PSD3: variants seen among roughly 807,000 people sequenced by gnomAD.
PSD3 encodes pleckstrin and Sec7 domain containing 3.
PSD3 carries 49 observed loss-of-function variants against 105.5 expected under a neutral mutation model. The ratio of observed to expected loss-of-function variants is 0.46; its 90% CI spans 0.37 to 0.59. The LOEUF (loss-of-function observed/expected upper bound fraction) is 0.59. PSD3 is among the 20% of genes least tolerant of loss of function. The pLI is 0.00. For synonymous variants in PSD3, 557 were observed against 457.8 expected (o/e 1.22, Z -2.77); for missense variants, 1,561 against 1,263.8 (o/e 1.24, Z -3.57).
At chr8:18,656,979 C>T (rs576084578) in intron 9 of PSD3, among the ~76,000 whole-genome samples, 11 of 152,276 alleles carry the variant, frequency 7.2e-5, no homozygotes, top group East Asian at 1.9e-4. Flanking sequence ...AACAAAAGAA[C>T]GGTATGCATA....
chr8:18,865,424 G>A (rs890658165), intron 4 of PSD3, among the ~76,000 whole-genome samples: 3 of 150,754 alleles, frequency 2.0e-5, no homozygotes, highest in East Asian at 1.9e-4. Flanking sequence ...AGGTAGAAGG[G>A]AGTAAAGAAA....
chr8:18,610,726 A>C (rs988166767), intron 11 of PSD3, among the ~76,000 whole-genome samples: 2 of 152,220 alleles, frequency 1.3e-5, no homozygotes, highest in African/African-American at 2.4e-5. Flanking sequence ...AATTGGAAGA[A>C]TATTCTATTC....
chr8:18,983,585 A>G (rs138229318), intron 1 of PSD3, among the ~76,000 whole-genome samples: 395 of 152,324 alleles, frequency 2.6e-3, no homozygotes, highest in African/African-American at 9.2e-3. Flanking sequence ...GTTGTGTCTC[A>G]GGGAATAGCG....
intron 8 of PSD3, among the ~76,000 whole-genome samples, chr8:18,790,952 C>T (rs1809663855): frequency 6.6e-6 from 1 of 152,158 alleles, no homozygotes; most frequent in South Asian, 2.1e-4. Flanking sequence ...ACAGCCAAAT[C>T]ATGAATGAAC....
chr8:18,594,167 C>T (rs190414065), intron 12 of PSD3, among the ~76,000 whole-genome samples: 266 of 23,654 alleles, frequency 0.011, 32 homozygotes, highest in East Asian at 0.084. Flanking sequence ...TTATTATATA[C>T]ATATTATATA....
chr8:18,902,579 G>A (rs1819574964), intron 2 of PSD3, among the ~76,000 whole-genome samples: 1 of 152,142 alleles, frequency 6.6e-6, no homozygotes, highest in Non-Finnish European at 1.5e-5. Context: ...GTCTCCCTGT[G>A]TTGATGTCTG....
intron 9 of PSD3, among the ~76,000 whole-genome samples, chr8:18,659,690 T>C (rs1013952073): frequency 6.6e-6 from 1 of 152,202 alleles, no homozygotes; most frequent in Admixed American, 6.5e-5. Context: ...AGATGAGCTT[T>C]AAAGAGCCAC....
At chr8:18,607,764 T>A (rs976422232) in intron 11 of PSD3, among the ~76,000 whole-genome samples, 2 of 149,906 alleles carry the variant, frequency 1.3e-5, no homozygotes, top group Non-Finnish European at 3.0e-5. Flanking sequence ...GATGTACCTA[T>A]GACTGGGTAA....
At chr8:18,790,023 T>C (rs149266275) in intron 8 of PSD3, among the ~76,000 whole-genome samples, 55 of 152,134 alleles carry the variant, frequency 3.6e-4, no homozygotes, top group African/African-American at 1.3e-3. Context: ...TTTCCATATA[T>C]AAACCTGTTC....
intron 12 of PSD3, among the ~76,000 whole-genome samples, chr8:18,587,817 A>G (rs1303686178): frequency 6.6e-6 from 1 of 152,202 alleles, no homozygotes; most frequent in Non-Finnish European, 1.5e-5. Flanking sequence ...AATTTTGCAC[A>G]GTACCTGATG....
At chr8:18,761,523 C>A (rs970840238) in intron 9 of PSD3, among the ~76,000 whole-genome samples, 1 of 152,086 alleles carries the variant, frequency 6.6e-6, no homozygotes, top group African/African-American at 2.4e-5. Flanking sequence ...TGACGTAGTC[C>A]CCTGACTATT....
intron 1 of PSD3, among the ~76,000 whole-genome samples, chr8:19,008,068 C>T (rs1019135069): frequency 3.3e-5 from 5 of 152,108 alleles, no homozygotes; most frequent in African/African-American, 7.2e-5. Context: ...GTCTCAACTC[C>T]GCTGACCTCA....
At chr8:18,937,013 AGGGTCCT>A (rs1292185201) in intron 1 of PSD3, among the ~76,000 whole-genome samples, 2 of 152,186 alleles carry the variant, frequency 1.3e-5, no homozygotes, top group African/African-American at 4.8e-5. Context: ...CATCTGTCCC[AGGGTCCT>A]GTGTAACTCC....
intron 14 of PSD3, among the ~76,000 whole-genome samples, chr8:18,568,564 G>A (rs1004184066): frequency 4.6e-5 from 7 of 152,100 alleles, no homozygotes; most frequent in African/African-American, 1.7e-4. Flanking sequence ...GCCACCAGAA[G>A]TGTCCATTCT....
At chr8:18,869,901 C>T (rs1488543218) in intron 3 of PSD3, among the ~76,000 whole-genome samples, 2 of 152,154 alleles carry the variant, frequency 1.3e-5, no homozygotes, top group Admixed American at 1.3e-4. Flanking sequence ...CTATTTTGAC[C>T]ATTCCTTTAC....
rs189309270 is a variant in PSD3 at position 18,795,373 on chromosome 8, G to A, written c.2082+3922C>T. Among the ~76,000 whole-genome samples the A allele has an allele frequency of 1.5e-3, 222 of 152,284 alleles. 6 individuals carry two copies. Among genetic ancestry groups the A allele is most frequent in the Admixed American group, 0.013 (199 of 15,302 alleles). The stretch of plus-strand genomic sequence containing the variant: ...CCACAACCAGGCTCTTATACCAATT[G>A]TACATGGTGGGCTGGCTTCTGCCAA... On this transcript the variant is annotated intron_variant, in intron 8 of 15. Transcript: ENST00000327040.
At chr8:19,036,759 A>G (rs1483428543) in intron 1 of PSD3, among the ~76,000 whole-genome samples, 2 of 152,196 alleles carry the variant, frequency 1.3e-5, no homozygotes, top group Admixed American at 6.5e-5. Context: ...TAAATGGACT[A>G]TCTCATTGCC....
At chr8:18,655,880 CAAAG>C (rs1451856199) in intron 9 of PSD3, among the ~76,000 whole-genome samples, 195 bp from the exon 10 acceptor site, 4 of 152,210 alleles carry the variant, frequency 2.6e-5, no homozygotes, top group East Asian at 1.9e-4. Context: ...TTTCATGAAA[CAAAG>C]AAACTTTCAC....
chr8:19,032,519 A>G (rs1248650055), intron 1 of PSD3, among the ~76,000 whole-genome samples: 1 of 151,916 alleles, frequency 6.6e-6, no homozygotes, highest in African/African-American at 2.4e-5. Context: ...GCACAGTGGC[A>G]CATGCCTGTA....
Sources: gnomAD v4.1 joint callset for allele counts (sites outside exome capture counted in the v4.1 genomes callset) on GRCh38, gnomAD v4.1.1 for gene constraint, MANE v1.5 for transcripts, NCBI Gene and HGNC (gene_info 2026-07-23, HGNC 2026-07-21) for gene names.